The following NCKAP5L variants were observed in gnomAD, a reference collection of about 807,000 sequenced individuals.
The protein encoded by NCKAP5L is nck-associated protein 5-like.
NCKAP5L carries 54 observed loss-of-function variants against 103.2 expected under a neutral mutation model. The observed-to-expected ratio is 0.52, with a 90% confidence interval of 0.42 to 0.66. NCKAP5L has a LOEUF of 0.66. Among genes scored for constraint, NCKAP5L ranks in the 30% least tolerant of loss-of-function variants. NCKAP5L has a pLI of 0.00. For synonymous variants in NCKAP5L, 762 were observed against 748.6 expected, an observed-to-expected ratio of 1.02 and a Z score of -0.29; for missense variants, 1,733 against 1,750.6, an observed-to-expected ratio of 0.99 and a Z score of 0.18.
rs1319003671 is a variant in NCKAP5L, at chr12:49,797,545, G to C, written c.466-151C>G. On this transcript the variant is annotated intron_variant, in intron 7 of 12. Transcript: ENST00000335999. This position sits in a 1 kb window ranked among gnomAD's most constrained non-coding sequence, Gnocchi z 4.5. The stretch of plus-strand genomic sequence containing the variant: ...CCCAAAAGGAATTAACAGCAACTGG[G>C]ATATGATGGTTCCGCTTCCTCAAGG... 6.6e-6 allele frequency among the ~76,000 whole-genome samples: 1 copy of C among 152,190 alleles called. No individual in the cohort carries two copies. Among genetic ancestry groups the C allele is most frequent in the Non-Finnish European group, 1.5e-5 (1 of 68,022 alleles).
rs1342565872 is a variant in NCKAP5L at position 49,791,795 on chromosome 12, C to T, written c.*44G>A. 1 of 1,488,198 alleles carries T rather than the reference C, an allele frequency of 6.7e-7. No individual in the cohort carries two copies. Among genetic ancestry groups the T allele is most frequent in the African/African-American group, 1.4e-5 (1 of 71,854 alleles). The allele number at this position is 1,488,198 out of a possible 1,614,324, so 92.2% of individuals were successfully genotyped here. A position where few individuals can be genotyped will look rare whatever the true frequency, so the allele number is the denominator to read the frequency against. ...TGGGCATGAAGAGAGCCGGTCCAGT[C>T]TGTGGTCCCCAGCTCCAGCGGGGCC... On this transcript the variant is annotated 3_prime_UTR_variant, in exon 13 of 13. Coordinates refer to ENST00000335999, the MANE Select transcript of NCKAP5L (RefSeq NM_001037806.4).
In NCKAP5L at chr12:49,793,380, G is replaced by A. The variant is rs780021918; in HGVS notation, c.3312C>T (p.Ala1104=). The change falls in exon 10 of 13, where the codon GCC becomes GCT. Residue 1104 remains alanine, a synonymous_variant. Coordinates refer to ENST00000335999, the MANE Select transcript of NCKAP5L (RefSeq NM_001037806.4). ...TGAAGTGTGAGGTGGGCACTGGCTCGGCCAGGCTGTCCTCCGAGGGCATCT... is the reference window on the plus strand; with the variant it reads ...TGAAGTGTGAGGTGGGCACTGGCTCAGCCAGGCTGTCCTCCGAGGGCATCT... The part of the protein sequence containing the change: ...REEMPSEDSL[A]EPVPTSHFTA... The A allele has an allele frequency of 3.7e-5, 60 of 1,608,208 alleles. No homozygotes were observed. The highest frequency in any genetic ancestry group is 2.3e-4 in the Admixed American group (14 of 59,998).
chr12:49,792,267 A>G lies in NCKAP5L; in HGVS notation c.3792+179T>C, dbSNP rs1945948285. ...GGACAGAAACCTTTCCCCACGAGAG[A>G]AGTGCAAGGAGGGCAGTGGGGAGGG... On this transcript the variant is annotated intron_variant, in intron 12 of 12. Transcript: ENST00000335999. The surrounding 1 kb of genome is among the most constrained non-coding windows in gnomAD (Gnocchi z 4.5). The G allele has an allele frequency of 8.6e-6, 11 of 1,284,128 alleles. No homozygotes were observed. In the Admixed American group the frequency reaches 2.2e-4, roughly 25 times the overall value. The allele number at this position is 1,284,128 out of a possible 1,614,324, so 79.5% of individuals were successfully genotyped here.
At chr12:49,825,784 A>C (rs930116445) in intron 1 of NCKAP5L, among the ~76,000 whole-genome samples, 1 of 152,196 alleles carries the variant, frequency 6.6e-6, no homozygotes, top group Non-Finnish European at 1.5e-5. Flanking sequence ...CAGAGGGAAA[A>C]GTAACCCAGG....
intron 1 of NCKAP5L, among the ~76,000 whole-genome samples, chr12:49,823,092 G>C (rs766180306): frequency 3.0e-4 from 45 of 152,110 alleles, no homozygotes; most frequent in Non-Finnish European, 4.1e-4. Flanking sequence ...TGGGTTAGCA[G>C]AGAGGCCCTC....
rs1021027148 is a variant in NCKAP5L at position 49,795,032 on chromosome 12, C to T, written c.2828G>A (p.Gly943Glu). ...RRTEATKNKE[G>E]AGGGSPLRRE... ...CCGGAGCGGGGAGCCCCCGCCAGCC[C>T]CCTCCTTGTTCTTGGTGGCCTCTGT... is the stretch of plus-strand genomic sequence containing the variant. Residue 943 changes from glycine to glutamate, a missense_variant, in exon 8 of 13, where the codon GGG becomes GAG. Coordinates refer to ENST00000335999, the MANE Select transcript of NCKAP5L (RefSeq NM_001037806.4). 1.9e-6 allele frequency: 3 copies of T among 1,609,214 alleles called. No individual in the cohort carries two copies. The highest frequency in any genetic ancestry group is 1.7e-6 in the Non-Finnish European group (2 of 1,177,984).
Position 49,797,085 on chromosome 12 carries a change from G to T in NCKAP5L, c.775C>A (p.Arg259Ser), listed in dbSNP as rs867975717. The change falls in exon 8 of 13, where the codon CGC becomes AGC. Residue 259 changes from arginine (R) to serine (S), a missense_variant. Coordinates refer to ENST00000335999, the MANE Select transcript of NCKAP5L (RefSeq NM_001037806.4). This position sits in a 1 kb window ranked among gnomAD's most constrained non-coding sequence, Gnocchi z 4.5. ...TCCCCTCCCAGACCCCCCAAGAGGC[G>T]CTCCCAGTGCAGCAGGCCTCCCAGG... ...GNLGGLLHWE[R>S]LLGGLGGEED... 1.3e-6 allele frequency: 2 copies of T among 1,583,314 alleles called. No homozygotes were observed. Among genetic ancestry groups the T allele is most frequent in the Non-Finnish European group, 1.7e-6 (2 of 1,165,224 alleles).
chr12:49,808,640 G>A (rs974562778), intron 1 of NCKAP5L, among the ~76,000 whole-genome samples: 1 of 152,218 alleles, frequency 6.6e-6, no homozygotes, highest in African/African-American at 2.4e-5. Flanking sequence ...CTTTCTGCCT[G>A]CCTCTCATGG....
chr12:49,819,031 T>TAAA (rs528968275), intron 1 of NCKAP5L, among the ~76,000 whole-genome samples: 2 of 122,362 alleles, frequency 1.6e-5, no homozygotes, highest in African/African-American at 6.0e-5. Context: ...ACCTTGTATT[T>TAAA]AAAAAAAAAA....
Position 49,792,677 on chromosome 12 carries a change from C to G in NCKAP5L, c.3649+1G>C. The G allele has an allele frequency of 6.2e-7, 1 of 1,612,894 alleles. No homozygotes were observed. The highest frequency in any genetic ancestry group is 8.5e-7 in the Non-Finnish European group (1 of 1,179,526). Reference sequence around the variant, plus strand: ...TCCCACCCTCCCACCTGGACACTCACCATCAGGACAGGTCTCATGGCCCCG... The same window carrying G: ...TCCCACCCTCCCACCTGGACACTCAGCATCAGGACAGGTCTCATGGCCCCG... On this transcript the variant is annotated splice_donor_variant, in intron 11 of 12. Transcript: ENST00000335999. LOFTEE classifies it high-confidence loss of function. This position sits in a 1 kb window ranked among gnomAD's most constrained non-coding sequence, Gnocchi z 4.5.
At position 49,796,246 on chromosome 12, in the gene NCKAP5L, C is replaced by G. The variant is rs780245722; in HGVS notation, c.1614G>C (p.Pro538=). Residue 538 remains proline (P), a synonymous_variant, in exon 8 of 13, where the codon CCG becomes CCC. Transcript: ENST00000335999. ...TTPDSTQLRP[P]QSALSTTLSP... ...ACAGCGTGGTGGACAAGGCTGACTG[C>G]GGGGGTCTGAGCTGTGTGGAGTCTG... The G allele has an allele frequency of 1.3e-6, 2 of 1,572,794 alleles. No individual in the cohort carries two copies. Among genetic ancestry groups the G allele is most frequent in the African/African-American group, 2.7e-5 (2 of 74,016 alleles).
At position 49,794,879 on chromosome 12, in the gene NCKAP5L, C is replaced by T. The variant is rs780587805; in HGVS notation, c.2981G>A (p.Arg994Gln). The T allele has an allele frequency of 1.1e-5, 17 of 1,502,792 alleles. No individual in the cohort carries two copies. The highest frequency in any genetic ancestry group is 4.8e-5 in the East Asian group (2 of 41,462). 93.1% of individuals were successfully genotyped at this position (1,502,792 alleles called of 1,614,324 possible). The stretch of plus-strand genomic sequence containing the variant: ...TGGGGCTGGGCCACCAGGCCGTGGC[C>T]GGGCCCGGCTGCTTAGGTAGGCCTT... The part of the protein sequence containing the change: ...EEKAYLSSRA[R>Q]PRPGGPAPGP... The change falls in exon 8 of 13, where the codon CGG (arginine) becomes CAG (glutamine). Residue 994 changes from arginine to glutamine, a missense_variant. Arg to Gln is a conservative substitution (Grantham distance 43, BLOSUM62 1). Transcript: ENST00000335999.
chr12:49,813,874 G>A (rs73309087), intron 1 of NCKAP5L, among the ~76,000 whole-genome samples: 2,546 of 152,002 alleles, frequency 0.017, 71 homozygotes, highest in African/African-American at 0.058. Context: ...CACTTAGGCC[G>A]GAGTGCACTG....
Position 49,792,527 on chromosome 12 carries a change from G to A in NCKAP5L, c.3711C>T (p.Pro1237=). 6.2e-7 allele frequency: 1 copy of A among 1,613,760 alleles called. No homozygotes were observed. The highest frequency in any genetic ancestry group is 1.7e-5 in the Admixed American group (1 of 59,992). ...AGGAGCTGCCGGCTGCCCTAGTATTGGGGAAGGTCCAGTTCTTGGCCAGCT... is the reference window on the plus strand; with the variant it reads ...AGGAGCTGCCGGCTGCCCTAGTATTAGGGAAGGTCCAGTTCTTGGCCAGCT... ...PVQLAKNWTF[P]NTRAAGSSSD... Residue 1237 remains proline, a synonymous_variant, in exon 12 of 13, where the codon CCC becomes CCT. Coordinates refer to ENST00000335999, the MANE Select transcript of NCKAP5L (RefSeq NM_001037806.4). This position sits in a 1 kb window ranked among gnomAD's most constrained non-coding sequence, Gnocchi z 4.5.
At chr12:49,823,287 T>C (rs1946380851) in intron 1 of NCKAP5L, among the ~76,000 whole-genome samples, 1 of 152,050 alleles carries the variant, frequency 6.6e-6, no homozygotes, top group Non-Finnish European at 1.5e-5. Context: ...TGGAAGTGCC[T>C]GGTGCTGCTG....
chr12:49,814,398 C>T (rs974936807), intron 1 of NCKAP5L, among the ~76,000 whole-genome samples: 4 of 149,650 alleles, frequency 2.7e-5, no homozygotes, highest in Non-Finnish European at 4.4e-5. Flanking sequence ...GCAGGAGAAC[C>T]GTGTGAACCC....
chr12:49,809,385 G>A (rs1946215407), intron 1 of NCKAP5L, among the ~76,000 whole-genome samples: 1 of 152,092 alleles, frequency 6.6e-6, no homozygotes, highest in Non-Finnish European at 1.5e-5. Context: ...CCCTCACCCC[G>A]GCCCTTAGCC....
chr12:49,800,333 C>T (rs569048712), intron 6 of NCKAP5L, among the ~76,000 whole-genome samples: 3 of 152,378 alleles, frequency 2.0e-5, no homozygotes, highest in Admixed American at 6.5e-5. Context: ...TCTCTACCTC[C>T]CTGAGCTCCC....
Position 49,808,829 on chromosome 12 carries a change from T to C in NCKAP5L, c.-98-2788A>G, listed in dbSNP as rs140200214. ...GAATGGCTCTGGTTTCAGACATTCC[T>C]CTGGTGGCCCCAACACGTCTGGGAC... On this transcript the variant is annotated intron_variant, in intron 1 of 12. Coordinates refer to ENST00000335999, the MANE Select transcript of NCKAP5L (RefSeq NM_001037806.4). Among the ~76,000 whole-genome samples the C allele has an allele frequency of 2.4e-4, 37 of 152,306 alleles. 1 individual carries two copies. Among genetic ancestry groups the C allele is most frequent in the African/African-American group, 7.7e-4 (32 of 41,572 alleles).
Sources: allele counts gnomAD v4.1 joint callset (sites outside exome capture counted in the v4.1 genomes callset), GRCh38; gene constraint gnomAD v4.1.1; non-coding constraint Gnocchi (gnomAD v3.1); transcripts MANE v1.5; gene names NCBI Gene and HGNC (gene_info 2026-07-23, HGNC 2026-07-21).